The following DENND1B variants were observed in gnomAD, a reference collection of about 807,000 sequenced individuals.
DENND1B encodes DENN domain containing 1B.
Under a neutral mutation model 90.1 loss-of-function variants are expected in DENND1B, and 59 were observed. The ratio of observed to expected loss-of-function variants is 0.65; its 90% confidence interval spans 0.53 to 0.81. The LOEUF is 0.81. Ranked by LOEUF, DENND1B falls within the 40% of genes least tolerant of loss-of-function variation. The pLI, the probability that DENND1B is intolerant of heterozygous loss-of-function variation, is 0.00. For synonymous variants in DENND1B, 337 were observed against 324.6 expected, an observed-to-expected ratio of 1.04 and a Z score of -0.41; for missense variants, 862 against 912.6, an observed-to-expected ratio of 0.94 and a Z score of 0.71.
chr1:197,601,296 T>C (rs1466310261), intron 13 of DENND1B, among the ~76,000 whole-genome samples: 3 of 151,730 alleles, frequency 2.0e-5, no homozygotes, highest in Non-Finnish European at 4.4e-5. Flanking sequence ...TCTACATTTA[T>C]TCCTCCAGTT....
intron 2 of DENND1B, among the ~76,000 whole-genome samples, chr1:197,721,794 C>A (rs1661205992): frequency 6.6e-6 from 1 of 151,828 alleles, no homozygotes. Context: ...AGAAAAATAC[C>A]ACCAAAATGT....
chr1:197,736,256 A>G (rs1322762160), intron 2 of DENND1B: 1 of 400,316 alleles, frequency 2.5e-6, no homozygotes, highest in Non-Finnish European at 4.6e-6. Context: ...TTGAATAGCA[A>G]AAATTTTGAG....
intron 10 of DENND1B, among the ~76,000 whole-genome samples, chr1:197,630,422 T>C (rs61829341): frequency 0.16 from 24,339 of 152,018 alleles, 2,240 homozygotes; most frequent in Non-Finnish European, 0.2. Flanking sequence ...AGCTCTTTTA[T>C]AAGGTCACTA....
At chr1:197,736,145 TAA>T (rs35362999) in intron 2 of DENND1B, 4,817 of 494,642 alleles carry the variant, frequency 9.7e-3, no homozygotes, top group Middle Eastern at 0.016. Flanking sequence ...ATATTGGACT[TAA>T]AAAAAAAAAA....
rs567787925 is a variant in DENND1B at position 197,601,035 on chromosome 1, C to T, written c.922-5702G>A. Among the ~76,000 whole-genome samples the T allele has an allele frequency of 4.4e-4, 67 of 151,662 alleles. 1 individual carries two copies. The highest frequency in any genetic ancestry group is 1.3e-3 in the African/African-American group (52 of 41,444). On this transcript the variant is annotated intron_variant, in intron 13 of 22. Transcript: ENST00000620048. ...CAACAGGTCCAGCCTCTACCTATCT[C>T]ACCCTTAATCTAAATTAGGATACCA... is the stretch of plus-strand genomic sequence containing the variant.
chr1:197,554,431 G>A (rs1671525361), intron 15 of DENND1B, among the ~76,000 whole-genome samples: 1 of 151,928 alleles, frequency 6.6e-6, no homozygotes, highest in African/African-American at 2.4e-5. Context: ...AAAGTAGCTG[G>A]TCTTTAAAAA....
At position 197,769,333 on chromosome 1, in the gene DENND1B, G is replaced by A. The variant is rs1017415089; in HGVS notation, c.82+3535C>T. 2.6e-5 allele frequency among the ~76,000 whole-genome samples: 4 copies of A among 152,292 alleles called. No homozygotes were observed. The East Asian group carries it at 7.7e-4, about 29-fold the overall frequency. ...ATGATAATTTCAGGAGTGGTCAGGT[G>A]CATGCCAACTTAGGCTACCAGGATC... On this transcript the variant is annotated intron_variant, in intron 2 of 22. Transcript: ENST00000620048.
intron 6 of DENND1B, among the ~76,000 whole-genome samples, chr1:197,657,866 A>C (rs1411978856): frequency 6.6e-6 from 1 of 152,174 alleles, no homozygotes. Flanking sequence ...GTGTCCATTG[A>C]CAGAAGAATG....
chr1:197,781,751 G>A, the DENND1B span, among the ~76,000 whole-genome samples: 1 of 152,138 alleles, frequency 6.6e-6, no homozygotes, highest in East Asian at 1.9e-4. Flanking sequence ...TAATAAAAAT[G>A]TTGTCTTCCA....
rs1558181900 is a variant in DENND1B, at chr1:197,508,183, A to C, written c.*2277T>G. On this transcript the variant is annotated 3_prime_UTR_variant, in exon 23 of 23. Transcript: ENST00000620048. ...TTGTTTTTCAGACTGAGTTCTGAAA[A>C]AAACAAACAAAAAACCATACCTCAT... is the stretch of plus-strand genomic sequence containing the variant. The C allele has an allele frequency of 6.6e-6, 1 of 151,644 alleles. No homozygotes were observed. Among genetic ancestry groups the C allele is most frequent in the East Asian group, 1.9e-4 (1 of 5,142 alleles). The allele number at this position is 151,644 out of a possible 1,614,324, so 9.4% of individuals were successfully genotyped here.
chr1:197,723,093 A>G (rs1010515829), intron 2 of DENND1B, among the ~76,000 whole-genome samples: 8 of 152,220 alleles, frequency 5.3e-5, no homozygotes, highest in African/African-American at 1.9e-4. Flanking sequence ...AAAACAAGGA[A>G]GCTCTCTTTT....
Position 197,510,848 on chromosome 1 carries a change from G to A in DENND1B, c.1940C>T (p.Pro647Leu). 2 of 1,611,722 alleles carry A rather than the reference G, an allele frequency of 1.2e-6. No individual in the cohort carries two copies. The highest frequency in any genetic ancestry group is 1.7e-6 in the Non-Finnish European group (2 of 1,178,840). The change falls in exon 23 of 23, where the codon CCT becomes CTT. Residue 647 changes from proline to leucine, a missense_variant. Transcript: ENST00000620048. ...ACCACTAGAGGAAACCCGCTTCCTA[G>A]GAGATGGAGGGAGGTGTTTGCCATG... Reference protein sequence around the residue: ...ALHGKHLPPSPRKRVSSSGLT... With the variant: ...ALHGKHLPPSLRKRVSSSGLT...
chr1:197,691,653 T>C (rs1008054870), intron 3 of DENND1B, among the ~76,000 whole-genome samples: 2 of 152,038 alleles, frequency 1.3e-5, no homozygotes, highest in African/African-American at 4.8e-5. Context: ...GGATATTTGC[T>C]CTTCCATGTT....
intron 20 of DENND1B, among the ~76,000 whole-genome samples, chr1:197,538,033 G>A (rs925771323): frequency 3.3e-5 from 5 of 151,986 alleles, no homozygotes; most frequent in African/African-American, 1.2e-4. Flanking sequence ...AACTTGTAAT[G>A]AAAAATAAAT....
At chr1:197,674,618 T>A (rs1000507173) in intron 3 of DENND1B, among the ~76,000 whole-genome samples, 1 of 149,056 alleles carries the variant, frequency 6.7e-6, no homozygotes, top group Non-Finnish European at 1.5e-5. Context: ...GGCAGCAGAA[T>A]GAATTACTGA....
intron 18 of DENND1B, among the ~76,000 whole-genome samples, chr1:197,541,402 T>G (rs763883763): frequency 2.4e-4 from 37 of 152,286 alleles, no homozygotes; most frequent in Non-Finnish European, 2.4e-4. Context: ...TTGAAAAAAC[T>G]TTGGCAATTT....
At chr1:197,573,050 C>T (rs1013032440) in intron 15 of DENND1B, among the ~76,000 whole-genome samples, 13 of 152,042 alleles carry the variant, frequency 8.6e-5, no homozygotes, top group African/African-American at 2.9e-4. Context: ...ATTAGTCTTG[C>T]TAGCGGTCTA....
intron 3 of DENND1B, among the ~76,000 whole-genome samples, chr1:197,713,828 T>TATTATAATATATTATATATAATATA (rs1660276021): frequency 4.3e-5 from 1 of 23,024 alleles, no homozygotes; most frequent in African/African-American, 1.7e-4. Flanking sequence ...TAATATATTA[T>TATTATAATATATTATATATAATATA]ATATAATATA....
chr1:197,565,381 T>C (rs543679031), intron 15 of DENND1B, among the ~76,000 whole-genome samples: 11 of 152,198 alleles, frequency 7.2e-5, no homozygotes, highest in Non-Finnish European at 1.3e-4. Flanking sequence ...TTCTACATGC[T>C]ACACCACTAT....
Sources: allele counts gnomAD v4.1 joint callset (sites outside exome capture counted in the v4.1 genomes callset), GRCh38; gene constraint gnomAD v4.1.1; transcripts MANE v1.5; gene names NCBI Gene and HGNC (gene_info 2026-07-23, HGNC 2026-07-21).